The following UGGT2 variants were observed in gnomAD, a reference collection of about 807,000 sequenced individuals.
UGGT2 encodes the protein UDP-glucose glycoprotein glucosyltransferase 2.
A neutral mutation model predicts 192.1 loss-of-function variants in UGGT2; 180 were observed. The observed-to-expected ratio is 0.94, with a 90% CI of 0.83 to 1.06. The LOEUF is 1.06. Among genes scored for constraint, UGGT2 ranks in the 50% least tolerant of loss-of-function variants. The probability of loss-of-function intolerance (pLI) is 0.00; values close to 1 mark genes in which losing one functional copy is unlikely to be tolerated. For missense variants in UGGT2, 1,849 were observed against 1,795.7 expected (o/e 1.03, Z -0.54); for synonymous variants, 580 against 591.0 (o/e 0.98, Z 0.27).
At chr13:95,932,311 TTGTGTGTGTGTGTGTGTG>T (rs67135742) in intron 17 of UGGT2, among the ~76,000 whole-genome samples, 155 of 139,504 alleles carry the variant, frequency 1.1e-3, no homozygotes, top group African/African-American at 4.1e-3. Flanking sequence ...GGTATTTTAT[TTGTGTGTGTGTGTGTGTG>T]TGTGTGTGTG....
rs542563099 is a variant in UGGT2 at position 95,953,077 on chromosome 13, T to C, written c.1336-3623A>G. On this transcript the variant is annotated intron_variant, in intron 12 of 38. Transcript: ENST00000376747. ...AACATTACTTTGGGCATATTTTCTG[T>C]CATTTTAAATTGGCTTTTAAAAAGT... 1.1e-4 allele frequency among the ~76,000 whole-genome samples: 16 copies of C among 152,366 alleles called. No individual in the cohort carries two copies. The South Asian group carries it at 3.3e-3, about 32-fold the overall frequency.
chr13:95,833,484 T>C (rs1886949434), intron 37 of UGGT2, among the ~76,000 whole-genome samples: 1 of 152,166 alleles, frequency 6.6e-6, no homozygotes, highest in Non-Finnish European at 1.5e-5. Flanking sequence ...ATGTATCACA[T>C]AATTATGTGT....
At chr13:95,978,286 G>A (rs545640016) in intron 10 of UGGT2, among the ~76,000 whole-genome samples, 4 of 152,240 alleles carry the variant, frequency 2.6e-5, no homozygotes, top group African/African-American at 4.8e-5. Flanking sequence ...TTTCCCTGAC[G>A]ATTAGTGATG....
At chr13:95,931,994 T>G (rs907771846) in intron 17 of UGGT2, among the ~76,000 whole-genome samples, 1 of 152,192 alleles carries the variant, frequency 6.6e-6, no homozygotes, top group Non-Finnish European at 1.5e-5. Context: ...CACCTCTCAA[T>G]ATGATGCCTT....
At position 95,990,232 on chromosome 13, in the gene UGGT2, C is replaced by T; in HGVS notation, c.831-159G>A. The T allele has an allele frequency of 4.7e-6, 2 of 421,390 alleles. 1 individual carries two copies. The highest frequency in any genetic ancestry group is 7.6e-5 in the East Asian group (2 of 26,306). 26.1% of individuals were successfully genotyped at this position (421,390 alleles called of 1,614,324 possible). ...TTGTGATACAGCTATATTCACGGAA[C>T]TTAAAAATAATGAGGAAGATATACA... is the stretch of plus-strand genomic sequence containing the variant. On this transcript the variant is annotated intron_variant, in intron 7 of 38. Coordinates refer to ENST00000376747, the MANE Select transcript of UGGT2 (RefSeq NM_020121.4).
chr13:95,979,949 C>T (rs1397596184), intron 10 of UGGT2, among the ~76,000 whole-genome samples: 1 of 152,144 alleles, frequency 6.6e-6, no homozygotes, highest in African/African-American at 2.4e-5. Context: ...TGCAATACCA[C>T]CTCACTCCTA....
chr13:95,802,112 G>C lies in UGGT2; in HGVS notation c.4529-300C>G, dbSNP rs570446457. Among the ~76,000 whole-genome samples the C allele has an allele frequency of 3.3e-5, 5 of 152,250 alleles. No homozygotes were observed. In the South Asian group the frequency reaches 6.2e-4, roughly 19 times the overall value. ...ATCTTTAGGATCTAGCATCCTGCCT[G>C]GCAGATAAGAGGTCTTGAAGAATAC... On this transcript the variant is annotated intron_variant, in intron 38 of 38. Coordinates refer to ENST00000376747, the MANE Select transcript of UGGT2 (RefSeq NM_020121.4).
At chr13:95,991,342 C>T in intron 7 of UGGT2, 1 of 365,200 alleles carries the variant, frequency 2.7e-6, no homozygotes. Context: ...CACACACCAA[C>T]AGTGTAAAAG....
chr13:95,990,608 T>C (rs2051427024), intron 7 of UGGT2: 1 of 152,186 alleles, frequency 6.6e-6, no homozygotes, highest in South Asian at 2.1e-4. Context: ...ATACACACAA[T>C]CTAAACTGTA....
intron 2 of UGGT2, among the ~76,000 whole-genome samples, chr13:96,025,433 C>T (rs1312892447): frequency 6.6e-6 from 1 of 152,124 alleles, no homozygotes; most frequent in Non-Finnish European, 1.5e-5. Flanking sequence ...GAAATAAGTT[C>T]AAAAATATCT....
At chr13:95,803,837 T>TCTTC (rs1223833790) in intron 38 of UGGT2, among the ~76,000 whole-genome samples, 3 of 151,928 alleles carry the variant, frequency 2.0e-5, no homozygotes. Context: ...CAGCCAAAGA[T>TCTTC]CTCCAGGTTT....
At chr13:95,912,002 T>C (rs1265805504) in intron 20 of UGGT2, among the ~76,000 whole-genome samples, 3 of 152,174 alleles carry the variant, frequency 2.0e-5, no homozygotes, top group Non-Finnish European at 4.4e-5. Flanking sequence ...ATTATCTCAA[T>C]AGATGCAGAA....
At chr13:95,986,750 G>C (rs974249730) in intron 8 of UGGT2, among the ~76,000 whole-genome samples, 1 of 151,936 alleles carries the variant, frequency 6.6e-6, no homozygotes, top group African/African-American at 2.4e-5. Flanking sequence ...ATGACAAAAA[G>C]TCAAAAGAAT....
chr13:95,936,941 G>T lies in UGGT2; in HGVS notation c.1960C>A (p.Gln654Lys). ...TTACCTACCAAAAAAACTTCTCTTT[G>T]TAAATATACAGATGCATCCATCATT... ...QRMMDASVYL[Q>K]REVFLGTLND... The change falls in exon 17 of 39, where the codon CAA becomes AAA. Residue 654 changes from glutamine to lysine, a missense_variant. Physicochemically the swap from Gln to Lys is moderately conservative, Grantham distance 53 (BLOSUM62 1). Coordinates refer to ENST00000376747, the MANE Select transcript of UGGT2 (RefSeq NM_020121.4). The T allele has an allele frequency of 6.4e-7, 1 of 1,551,306 alleles. No individual in the cohort carries two copies. Among genetic ancestry groups the T allele is most frequent in the South Asian group, 1.3e-5 (1 of 78,306 alleles).
chr13:95,989,913 T>G, intron 8 of UGGT2, 60 bp downstream of exon 8: 1 of 1,091,848 alleles, frequency 9.2e-7, no homozygotes, highest in Non-Finnish European at 1.3e-6. Context: ...TATAAAAGCT[T>G]ATTTAACAAA....
chr13:95,904,487 T>A (rs2048215603), intron 20 of UGGT2, among the ~76,000 whole-genome samples: 1 of 120,242 alleles, frequency 8.3e-6, no homozygotes, highest in African/African-American at 3.2e-5. Context: ...GATGTTCCCC[T>A]TCCTGTGTCC....
intron 30 of UGGT2, among the ~76,000 whole-genome samples, chr13:95,865,243 T>C (rs1046122979): frequency 6.6e-6 from 1 of 152,234 alleles, no homozygotes; most frequent in Admixed American, 6.5e-5. Context: ...TTGGATTTCA[T>C]GGGCTGATCC....
intron 38 of UGGT2, among the ~76,000 whole-genome samples, chr13:95,829,142 A>G (rs1264127428): frequency 6.6e-6 from 1 of 152,192 alleles, no homozygotes; most frequent in African/African-American, 2.4e-5. Flanking sequence ...AAAACTCTCA[A>G]TAAATTAGGT....
chr13:95,967,765 C>T (rs1369663528), intron 12 of UGGT2, among the ~76,000 whole-genome samples: 2 of 152,146 alleles, frequency 1.3e-5, no homozygotes, highest in Non-Finnish European at 2.9e-5. Context: ...AGACACTGTG[C>T]CTGGCCAGGC....
Sources: gnomAD v4.1 joint callset for allele counts (sites outside exome capture counted in the v4.1 genomes callset) on GRCh38, gnomAD v4.1.1 for gene constraint, MANE v1.5 for transcripts, NCBI Gene and HGNC (gene_info 2026-07-23, HGNC 2026-07-21) for gene names.